Variants in SCUBE1 observed in about 807,000 individuals in gnomAD.
SCUBE1 encodes signal peptide, CUB and EGF-like domain-containing protein 1.
SCUBE1 carries 59 observed loss-of-function variants against 124.4 expected under a neutral mutation model. That is an observed-to-expected ratio of 0.47 (90% CI 0.38 to 0.59). The LOEUF (loss-of-function observed/expected upper bound fraction) is 0.59. Among genes scored for constraint, SCUBE1 ranks in the 20% least tolerant of loss-of-function variants. The probability of loss-of-function intolerance (pLI) is 0.00; values close to 1 mark genes in which losing one functional copy is unlikely to be tolerated. For missense variants in SCUBE1, 1,150 were observed against 1,371.2 expected, an observed-to-expected ratio of 0.84 and a Z score of 2.55; for synonymous variants, 545 against 550.9, an observed-to-expected ratio of 0.99 and a Z score of 0.15.
chr22:43,248,064 T>C (rs1476209012), intron 6 of SCUBE1, among the ~76,000 whole-genome samples: 4 of 152,236 alleles, frequency 2.6e-5, no homozygotes, highest in African/African-American at 9.6e-5. Context: ...AAGAGGGCTC[T>C]GGCCGTGGCC....
intron 4 of SCUBE1, among the ~76,000 whole-genome samples, chr22:43,268,702 A>G (rs1382360664): frequency 6.6e-6 from 1 of 152,222 alleles, no homozygotes; most frequent in Non-Finnish European, 1.5e-5. Flanking sequence ...AGAGTGTGCT[A>G]AATGTGCAGC....
At position 43,238,925 on chromosome 22, in the gene SCUBE1, C is replaced by A. The variant is rs764551813; in HGVS notation, c.757G>T (p.Asp253Tyr). The A allele has an allele frequency of 2.5e-6, 4 of 1,613,010 alleles. No homozygotes were observed. In the South Asian group the frequency reaches 3.3e-5, roughly 13 times the overall value. Reference protein sequence around the residue: ...ETCAVNNGGCDRTCKDTATGV... With the variant: ...ETCAVNNGGCYRTCKDTATGV... ...GTGGCTGTGTCCTTGCATGTCCGGTCGCAGCCTCCGTTATTGACTGCGCAC... is the reference window on the plus strand; with the variant it reads ...GTGGCTGTGTCCTTGCATGTCCGGTAGCAGCCTCCGTTATTGACTGCGCAC... Residue 253 changes from aspartate (D) to tyrosine (Y), a missense_variant, in exon 7 of 22, where the codon GAC becomes TAC. Asp to Tyr is a radical substitution (Grantham distance 160). This residue lies in a region of SCUBE1 where 337 missense variants were observed against 482.1 expected (regional missense o/e 0.70). Coordinates refer to ENST00000360835, the MANE Select transcript of SCUBE1 (RefSeq NM_173050.5).
chr22:43,273,231 GTGAT>G (rs1322424384), intron 4 of SCUBE1, among the ~76,000 whole-genome samples: 1 of 152,206 alleles, frequency 6.6e-6, no homozygotes, highest in Non-Finnish European at 1.5e-5. Flanking sequence ...AGCTGGGACT[GTGAT>G]TGGCTCCTGG....
At chr22:43,319,707 AC>A (rs1926478031) in intron 3 of SCUBE1, among the ~76,000 whole-genome samples, 1 of 152,258 alleles carries the variant, frequency 6.6e-6, no homozygotes, top group South Asian at 2.1e-4. Flanking sequence ...CCTCCGAAAA[AC>A]CAACCCTGCC....
intron 6 of SCUBE1, among the ~76,000 whole-genome samples, chr22:43,251,978 G>T (rs574717789): frequency 5.9e-5 from 9 of 152,266 alleles, no homozygotes; most frequent in African/African-American, 2.2e-4. Context: ...CCCCACGCTG[G>T]GTCCTCAGAG....
intron 2 of SCUBE1, among the ~76,000 whole-genome samples, chr22:43,325,019 T>C (rs1382886490): frequency 4.7e-5 from 7 of 149,900 alleles, no homozygotes; most frequent in Non-Finnish European, 8.9e-5. Flanking sequence ...GACACAGACA[T>C]ACAGGGAGAA....
intron 2 of SCUBE1, among the ~76,000 whole-genome samples, chr22:43,329,541 G>A (rs899215024): frequency 1.3e-5 from 2 of 152,276 alleles, no homozygotes; most frequent in African/African-American, 2.4e-5. Flanking sequence ...CGAGAGGCAG[G>A]AGGTCTAGAC....
At chr22:43,341,418 C>T (rs1175407209) in intron 1 of SCUBE1, among the ~76,000 whole-genome samples, 1 of 152,194 alleles carries the variant, frequency 6.6e-6, no homozygotes, top group African/African-American at 2.4e-5. Context: ...ACTTATGAGA[C>T]AGGACCAGCA....
intron 6 of SCUBE1, among the ~76,000 whole-genome samples, chr22:43,254,409 A>G (rs1021811147): frequency 6.6e-6 from 1 of 152,158 alleles, no homozygotes; most frequent in African/African-American, 2.4e-5. Flanking sequence ...CTTCCTCTCT[A>G]GATGCCTGGG....
chr22:43,340,573 G>T (rs564748514), intron 1 of SCUBE1, among the ~76,000 whole-genome samples: 1 of 151,312 alleles, frequency 6.6e-6, no homozygotes, highest in African/African-American at 2.4e-5. Flanking sequence ...GTCGGGCACA[G>T]TTCAGCACAG....
chr22:43,265,225 T>C (rs1158038311), intron 4 of SCUBE1, among the ~76,000 whole-genome samples: 1 of 152,210 alleles, frequency 6.6e-6, no homozygotes, highest in East Asian at 1.9e-4. Flanking sequence ...GGACTTGCCA[T>C]CAAGTGATCT....
At chr22:43,312,612 G>A (rs577718727) in intron 3 of SCUBE1, among the ~76,000 whole-genome samples, 4 of 152,210 alleles carry the variant, frequency 2.6e-5, no homozygotes, top group Non-Finnish European at 5.9e-5. Context: ...AAGGTCCCAA[G>A]GGTGGCTCAA....
rs146997667 is a variant in SCUBE1, at chr22:43,293,486, A to G, written c.350-2306T>C. On this transcript the variant is annotated intron_variant, in intron 3 of 21. Coordinates refer to ENST00000360835, the MANE Select transcript of SCUBE1 (RefSeq NM_173050.5). ...GCATGTGCTCAGACCAATGCTGCGA[A>G]GAGCCGGCTGCTCCTCACACGAGCT... Among the ~76,000 whole-genome samples, 170 of 152,358 alleles carry G rather than the reference A, an allele frequency of 1.1e-3. 2 individuals carry two copies. Among genetic ancestry groups the G allele is most frequent in the African/African-American group, 3.6e-3 (148 of 41,590 alleles).
chr22:43,220,727 A>C, intron 13 of SCUBE1, 140 bp from the exon 14 acceptor site: 3 of 1,125,702 alleles, frequency 2.7e-6, no homozygotes, highest in South Asian at 1.6e-5. Flanking sequence ...AGAGAAGGTC[A>C]GGGCTGGCTC....
rs1375879021 is a variant in SCUBE1, at chr22:43,210,660, CT to C, written c.2383+261del. Among the ~76,000 whole-genome samples, 2 of 152,210 alleles carry C rather than the reference CT, an allele frequency of 1.3e-5. No individual in the cohort carries two copies. Among genetic ancestry groups the C allele is most frequent in the African/African-American group, 4.8e-5 (2 of 41,464 alleles). ...AGCAGGGCCTGGCCCAGGGCAGAGGCTTGGGCTGTGTTGGGTGAGCAGTGGG... is the reference window on the plus strand; with the variant it reads ...AGCAGGGCCTGGCCCAGGGCAGAGGCTGGGCTGTGTTGGGTGAGCAGTGGG... On this transcript the variant is annotated intron_variant, in intron 18 of 21. Transcript: ENST00000360835. This position sits in a 1 kb window ranked among gnomAD's most constrained non-coding sequence, Gnocchi z 4.5.
intron 4 of SCUBE1, chr22:43,270,128 T>G (rs767012764): frequency 5.9e-5 from 9 of 152,384 alleles, no homozygotes; most frequent in Non-Finnish European, 1.2e-4. Context: ...ATTCTACACA[T>G]AAGTACTTCA....
intron 4 of SCUBE1, among the ~76,000 whole-genome samples, chr22:43,278,405 A>C (rs1924621344): frequency 6.6e-6 from 1 of 152,172 alleles, no homozygotes; most frequent in South Asian, 2.1e-4. Flanking sequence ...CTCTCTTTAA[A>C]CAGGAAGTTC....
At chr22:43,219,150 G>A (rs1921969105) in intron 14 of SCUBE1, among the ~76,000 whole-genome samples, 1 of 152,202 alleles carries the variant, frequency 6.6e-6, no homozygotes, top group South Asian at 2.1e-4. Context: ...GGTGGGGCCT[G>A]GTGGGAGGTG....
intron 2 of SCUBE1, among the ~76,000 whole-genome samples, chr22:43,337,629 G>A (rs940934943): frequency 9.2e-5 from 14 of 152,202 alleles, no homozygotes; most frequent in African/African-American, 3.1e-4. Context: ...TTGGGTTCTG[G>A]GCCCTGAGCG....
Sources: gnomAD v4.1 joint callset for allele counts (sites outside exome capture counted in the v4.1 genomes callset) on GRCh38, gnomAD v4.1.1 for gene constraint, gnomAD v4.1.1 regional missense constraint, Gnocchi (gnomAD v3.1) non-coding constraint, MANE v1.5 for transcripts, NCBI Gene and HGNC (gene_info 2026-07-23, HGNC 2026-07-21) for gene names.